The following NEK11 variants were observed in gnomAD, a reference collection of about 807,000 sequenced individuals.
The protein encoded by NEK11 is NIMA related kinase 11.
Under a neutral mutation model 80.7 loss-of-function variants are expected in NEK11, and 72 were observed. The observed-to-expected ratio is 0.89, with a 90% CI of 0.74 to 1.08. The LOEUF (loss-of-function observed/expected upper bound fraction) is 1.08. Among genes scored for constraint, NEK11 ranks in the 50% least tolerant of loss-of-function variants. The probability of loss-of-function intolerance (pLI) is 0.00; values close to 1 mark genes in which losing one functional copy is unlikely to be tolerated. For synonymous variants in NEK11, 251 were observed against 260.7 expected (o/e 0.96, Z 0.36); for missense variants, 764 against 763.6 (o/e 1.00, Z -0.01).
chr3:131,144,768 CA>C (rs2087780962), intron 7 of NEK11, among the ~76,000 whole-genome samples: 1 of 152,124 alleles, frequency 6.6e-6, no homozygotes, highest in African/African-American at 2.4e-5. Flanking sequence ...ACCACTATAG[CA>C]GGTCCGTTTC....
chr3:131,034,143 A>G (rs2065272423), intron 3 of NEK11, among the ~76,000 whole-genome samples: 1 of 152,228 alleles, frequency 6.6e-6, no homozygotes, highest in African/African-American at 2.4e-5. Context: ...TTGGCCCTTA[A>G]CATTAGCATA....
chr3:131,073,303 G>A (rs1230853150), intron 3 of NEK11, among the ~76,000 whole-genome samples: 2 of 152,042 alleles, frequency 1.3e-5, no homozygotes, highest in African/African-American at 4.8e-5. Flanking sequence ...TAGAATTTTT[G>A]TTTATCCTCT....
intron 4 of NEK11, among the ~76,000 whole-genome samples, chr3:131,087,392 T>C (rs1013923692): frequency 2.0e-5 from 3 of 152,022 alleles, no homozygotes; most frequent in Non-Finnish European, 4.4e-5. Flanking sequence ...TACTGGCGCG[T>C]GCCACCACGC....
chr3:131,320,679 A>G (rs2096888367), intron 17 of NEK11, among the ~76,000 whole-genome samples: 1 of 152,146 alleles, frequency 6.6e-6, no homozygotes, highest in South Asian at 2.1e-4. Flanking sequence ...CCCAGCTTAG[A>G]AAGCTGGCCT....
rs919775233 is a variant in NEK11, at chr3:131,183,979, A to G, written c.1399+13092A>G. ...TCGACTTTTTATAATCGCAGAGGCC[A>G]TCTTCTTACCTGTCCCTAGGAACTC... On this transcript the variant is annotated intron_variant, in intron 14 of 17. Transcript: ENST00000383366. Among the ~76,000 whole-genome samples, 4 of 152,102 alleles carry G rather than the reference A, an allele frequency of 2.6e-5. No homozygotes were observed. In the East Asian group the frequency reaches 7.7e-4, roughly 29 times the overall value.
chr3:131,052,351 C>A (rs2068575328), intron 3 of NEK11, among the ~76,000 whole-genome samples: 1 of 152,036 alleles, frequency 6.6e-6, no homozygotes, highest in Non-Finnish European at 1.5e-5. Context: ...GTGGATAACC[C>A]TGAACATTTG....
intron 3 of NEK11, among the ~76,000 whole-genome samples, chr3:131,067,612 A>G (rs1227438921): frequency 1.3e-5 from 2 of 152,210 alleles, no homozygotes; most frequent in Admixed American, 6.5e-5. Context: ...AAGCTCAATC[A>G]TAGCAATAAT....
chr3:131,250,395 A>G (rs2095678393), intron 16 of NEK11, among the ~76,000 whole-genome samples: 1 of 152,128 alleles, frequency 6.6e-6, no homozygotes, highest in Admixed American at 6.6e-5. Flanking sequence ...ATAAAGTTTG[A>G]ACCTACAAAT....
At chr3:131,139,819 T>G (rs1403033717) in intron 7 of NEK11, among the ~76,000 whole-genome samples, 2 of 152,214 alleles carry the variant, frequency 1.3e-5, no homozygotes, top group African/African-American at 4.8e-5. Context: ...GAGACTAGTC[T>G]TTCTATAGGA....
At chr3:131,317,229 G>A (rs2096849708) in intron 17 of NEK11, among the ~76,000 whole-genome samples, 1 of 152,280 alleles carries the variant, frequency 6.6e-6, no homozygotes, top group African/African-American at 2.4e-5. Flanking sequence ...TGTGAATCAA[G>A]GAAATGTTGA....
intron 4 of NEK11, among the ~76,000 whole-genome samples, chr3:131,105,214 G>A (rs1194981164): frequency 6.6e-6 from 1 of 151,808 alleles, no homozygotes; most frequent in East Asian, 1.9e-4. Flanking sequence ...TTACCTAAAA[G>A]GTAAAAACAA....
chr3:131,243,570 T>C (rs1441439351), intron 16 of NEK11, 74 bp downstream of exon 16: 1 of 1,294,644 alleles, frequency 7.7e-7, no homozygotes, highest in Non-Finnish European at 1.1e-6. Flanking sequence ...GAAGAAATCT[T>C]ACAGGTGTTT....
At chr3:131,340,027 AG>A (rs746903145) in intron 17 of NEK11, among the ~76,000 whole-genome samples, 11 of 152,244 alleles carry the variant, frequency 7.2e-5, no homozygotes, top group South Asian at 4.1e-4. Context: ...AGACATGACA[AG>A]TAAATGGAAC....
chr3:131,141,715 G>A (rs1008082260), intron 7 of NEK11, among the ~76,000 whole-genome samples: 2 of 152,146 alleles, frequency 1.3e-5, no homozygotes, highest in Non-Finnish European at 2.9e-5. Flanking sequence ...ACTACTGAAA[G>A]ACTCTGAGAA....
intron 3 of NEK11, chr3:131,072,328 G>A (rs1484374557): frequency 1.3e-5 from 2 of 152,194 alleles, no homozygotes; most frequent in Non-Finnish European, 2.9e-5. Context: ...CACATGCAGA[G>A]GTGGATTAAA....
At chr3:131,159,114 G>C (rs1315511805) in intron 10 of NEK11, among the ~76,000 whole-genome samples, 2 of 152,048 alleles carry the variant, frequency 1.3e-5, no homozygotes, top group Non-Finnish European at 2.9e-5. Flanking sequence ...TTATCAAGTA[G>C]AATAAAAGGA....
At chr3:131,311,590 C>CA (rs1283505149) in intron 17 of NEK11, among the ~76,000 whole-genome samples, 1 of 152,180 alleles carries the variant, frequency 6.6e-6, no homozygotes, top group Non-Finnish European at 1.5e-5. Flanking sequence ...TGCAACAAAG[C>CA]AAATAGAAGC....
intron 8 of NEK11, 45 bp from the exon 9 acceptor site, chr3:131,152,586 T>C (rs1291968425): frequency 1.2e-6 from 2 of 1,607,496 alleles, no homozygotes; most frequent in Non-Finnish European, 1.7e-6. Context: ...GTTGTACTTA[T>C]ATTTTAGTTT....
chr3:131,082,443 G>A (rs2075403599), intron 4 of NEK11, among the ~76,000 whole-genome samples: 1 of 152,174 alleles, frequency 6.6e-6, no homozygotes, highest in Non-Finnish European at 1.5e-5. Context: ...ATTTTAAACT[G>A]TAGTCAGCAC....
Sources: gnomAD v4.1 joint callset for allele counts (sites outside exome capture counted in the v4.1 genomes callset) on GRCh38, gnomAD v4.1.1 for gene constraint, MANE v1.5 for transcripts, NCBI Gene and HGNC (gene_info 2026-07-23, HGNC 2026-07-21) for gene names.